Variants in LRP11 observed in about 807,000 individuals in gnomAD.
The protein encoded by LRP11 is low-density lipoprotein receptor-related protein 11.
A neutral mutation model predicts 43.1 loss-of-function variants in LRP11; 25 were observed. That is an observed-to-expected ratio of 0.58 (90% CI 0.42 to 0.81). The LOEUF (loss-of-function observed/expected upper bound fraction) is 0.81, where lower values mean the gene tolerates loss of function less well. LRP11 is among the 30% of genes least tolerant of loss of function. The pLI, the probability that LRP11 is intolerant of heterozygous loss-of-function variation, is 0.00. For missense variants in LRP11, 623 were observed against 665.1 expected (o/e 0.94, Z 0.70); for synonymous variants, 316 against 299.4 (o/e 1.06, Z -0.57).
At chr6:149,859,396 A>ATATATATATATTTTTTTTTTTT in intron 1 of LRP11, among the ~76,000 whole-genome samples, 6 of 71,488 alleles carry the variant, frequency 8.4e-5, no homozygotes, top group African/African-American at 3.3e-4. Flanking sequence ...ATATATATAT[A>ATATATATATATTTTTTTTTTTT]TTTTTTTTTT....
At chr6:149,829,518 G>A (rs768277085) in intron 5 of LRP11, among the ~76,000 whole-genome samples, 14 of 151,562 alleles carry the variant, frequency 9.2e-5, no homozygotes, top group Admixed American at 4.6e-4. Flanking sequence ...CCCAGACAGC[G>A]CCACTGCATT....
At position 149,863,988 on chromosome 6, in the gene LRP11, CG is replaced by C; in HGVS notation, c.32del (p.Ser11CysfsTer219). On this transcript the variant is annotated frameshift_variant, in exon 1 of 7. Transcript: ENST00000239367. LOFTEE classifies it high-confidence loss of function. Reference protein sequence around the residue: MASVAQESAGSQRRLPPRHGA... With the variant: MASVAQESAGXQRRLPPRHGA... Reference sequence around the variant, plus strand: ...CGTGACGCGGCGGTAGCCGGCGCTGCGAGCCCGCGCTCTCCTGGGCGACGGA... The same window carrying C: ...CGTGACGCGGCGGTAGCCGGCGCTGCAGCCCGCGCTCTCCTGGGCGACGGA... 7.1e-7 allele frequency: 1 copy of C among 1,399,030 alleles called. No homozygotes were observed. The highest frequency in any genetic ancestry group is 9.2e-7 in the Non-Finnish European group (1 of 1,083,834). The allele number at this position is 1,399,030 out of a possible 1,614,324, so 86.7% of individuals were successfully genotyped here.
chr6:149,821,038 C>G (rs1776272189), intron 6 of LRP11, among the ~76,000 whole-genome samples: 1 of 149,752 alleles, frequency 6.7e-6, no homozygotes, highest in Non-Finnish European at 1.5e-5. Flanking sequence ...TCAAGCGATT[C>G]CCCTGCCTCA....
At chr6:149,845,948 T>C (rs1776625583) in intron 2 of LRP11, among the ~76,000 whole-genome samples, 2 of 152,172 alleles carry the variant, frequency 1.3e-5, no homozygotes, top group South Asian at 4.1e-4. Context: ...CATCCAGAAT[T>C]TGACCATGTA....
At chr6:149,820,787 C>A in intron 6 of LRP11, 84 bp from the exon 7 acceptor site, 1 of 691,476 alleles carries the variant, frequency 1.4e-6, no homozygotes, top group Non-Finnish European at 2.7e-6. Context: ...ACGCGCTTTG[C>A]ATGCACTATT....
chr6:149,822,354 G>A (rs569498917), intron 6 of LRP11, among the ~76,000 whole-genome samples: 1 of 151,716 alleles, frequency 6.6e-6, no homozygotes, highest in South Asian at 2.1e-4. Context: ...AAAAAAAAGA[G>A]AAGTGAGGCT....
chr6:149,830,531 C>G lies in LRP11; in HGVS notation c.1253-4172G>C, dbSNP rs555521358. Among the ~76,000 whole-genome samples, 5 of 152,270 alleles carry G rather than the reference C, an allele frequency of 3.3e-5. No homozygotes were observed. In the South Asian group the frequency reaches 1.0e-3, roughly 32 times the overall value. On this transcript the variant is annotated intron_variant, in intron 5 of 6. Coordinates refer to ENST00000239367, the MANE Select transcript of LRP11 (RefSeq NM_032832.6). ...TTACTCATACCCAGGCAAAATCACA[C>G]ACTTTTAAATGATTTTTAGGAAGGT...
chr6:149,864,334 A>C lies in LRP11; in HGVS notation c.-314T>G, dbSNP rs1437037558. The C allele has an allele frequency of 1.4e-5, 14 of 1,011,000 alleles. No individual in the cohort carries two copies. Among genetic ancestry groups the C allele is most frequent in the Non-Finnish European group, 1.7e-5 (14 of 847,224 alleles). The allele number at this position is 1,011,000 out of a possible 1,614,324, so 62.6% of individuals were successfully genotyped here. On this transcript the variant is annotated 5_prime_UTR_variant, in exon 1 of 7. Transcript: ENST00000239367. ...TGGCGACGAGTCGGCCTCGGCGTTG[A>C]TCAGCACCAGGTGTGTGCGAACAGT... is the stretch of plus-strand genomic sequence containing the variant.
intron 2 of LRP11, among the ~76,000 whole-genome samples, chr6:149,851,725 G>A (rs1776722116): frequency 6.6e-6 from 1 of 152,192 alleles, no homozygotes; most frequent in Non-Finnish European, 1.5e-5. Flanking sequence ...GCCTTGGAAG[G>A]GGTGTTGTGG....
At chr6:149,840,845 G>A (rs1776535524) in intron 3 of LRP11, among the ~76,000 whole-genome samples, 1 of 152,194 alleles carries the variant, frequency 6.6e-6, no homozygotes, top group Non-Finnish European at 1.5e-5. Flanking sequence ...AGGGACCAAT[G>A]ATGTTTTGAG....
chr6:149,862,617 TTGCCCAGGCTGGAG>T (rs1193671110), intron 1 of LRP11, among the ~76,000 whole-genome samples: 2 of 148,694 alleles, frequency 1.3e-5, no homozygotes, highest in African/African-American at 5.0e-5. Context: ...TTCGCTCTTG[TTGCCCAGGCTGGAG>T]TGCAATGGCG....
intron 1 of LRP11, among the ~76,000 whole-genome samples, chr6:149,858,148 C>T (rs1437458745): frequency 6.6e-6 from 1 of 152,078 alleles, no homozygotes; most frequent in East Asian, 1.9e-4. Context: ...GTTTGCTGCC[C>T]CCTTCAACTC....
intron 5 of LRP11, among the ~76,000 whole-genome samples, chr6:149,832,533 G>A (rs913095148): frequency 7.9e-5 from 12 of 152,006 alleles, no homozygotes; most frequent in Non-Finnish European, 1.6e-4. Flanking sequence ...GCAGGAAGGA[G>A]GCAGCAGTGA....
chr6:149,852,852 TA>T, intron 2 of LRP11, 150 bp downstream of exon 2: 1 of 557,822 alleles, frequency 1.8e-6, no homozygotes. Flanking sequence ...ATTGAGATAA[TA>T]AACCATTTTG....
rs146398251 is a variant in LRP11, at chr6:149,827,728, G to A, written c.1253-1369C>T. 4.1e-3 allele frequency among the ~76,000 whole-genome samples: 630 copies of A among 152,296 alleles called. 5 individuals carry two copies. Among genetic ancestry groups the A allele is most frequent in the Middle Eastern group, 6.8e-3 (2 of 294 alleles). On this transcript the variant is annotated intron_variant, in intron 5 of 6. Coordinates refer to ENST00000239367, the MANE Select transcript of LRP11 (RefSeq NM_032832.6). The surrounding 1 kb of genome is among the most constrained non-coding windows in gnomAD (Gnocchi z 4.2). ...AGTAGCCACGACAGTGGTCACCAAG[G>A]ACCTCTCCAGCTACCTGGATTCTCT...
intron 2 of LRP11, among the ~76,000 whole-genome samples, chr6:149,847,251 C>G (rs1466391732): frequency 1.3e-5 from 2 of 152,184 alleles, no homozygotes; most frequent in Non-Finnish European, 2.9e-5. Flanking sequence ...ATCCTCACAC[C>G]TGGCCTTGGC....
At position 149,837,395 on chromosome 6, in the gene LRP11, C is replaced by CCCA. The variant is rs1776487506; in HGVS notation, c.981_982insTGG (p.Leu327_Ala328insTrp). On this transcript the variant is annotated inframe_insertion, in exon 4 of 7. Transcript: ENST00000239367. ...GGACACTGCTGCACTCCATCGCAGGCGAGCGTGATGTCAATGCAGCAGCCA... is the reference window on the plus strand; with the variant it reads ...GGACACTGCTGCACTCCATCGCAGGCCCAGAGCGTGATGTCAATGCAGCAGCCA... The CCCA allele has an allele frequency of 1.2e-6, 2 of 1,614,074 alleles. No individual in the cohort carries two copies. Among genetic ancestry groups the CCCA allele is most frequent in the African/African-American group, 2.7e-5 (2 of 74,998 alleles).
chr6:149,839,514 G>A (rs1776517772), intron 3 of LRP11, among the ~76,000 whole-genome samples: 1 of 152,052 alleles, frequency 6.6e-6, no homozygotes, highest in Non-Finnish European at 1.5e-5. Context: ...ATATCTCAAG[G>A]TTTTATTTAT....
At position 149,844,192 on chromosome 6, in the gene LRP11, G is replaced by A. The variant is rs1223621964; in HGVS notation, c.772-1068C>T. 2.0e-5 allele frequency among the ~76,000 whole-genome samples: 3 copies of A among 150,132 alleles called. No homozygotes were observed. In the Admixed American group the frequency reaches 2.0e-4, roughly 10 times the overall value. On this transcript the variant is annotated intron_variant, in intron 2 of 6. Transcript: ENST00000239367. Reference sequence around the variant, plus strand: ...CGCTTAAAACTGGGAGACAGAGGTTGTAGTGTGCCAAGATCACCCACTGCA... The same window carrying A: ...CGCTTAAAACTGGGAGACAGAGGTTATAGTGTGCCAAGATCACCCACTGCA...
Sources: gnomAD v4.1 joint callset for allele counts (sites outside exome capture counted in the v4.1 genomes callset) on GRCh38, gnomAD v4.1.1 for gene constraint, Gnocchi (gnomAD v3.1) non-coding constraint, MANE v1.5 for transcripts, NCBI Gene and HGNC (gene_info 2026-07-23, HGNC 2026-07-21) for gene names.